Variants in UBE4A observed in about 807,000 individuals in gnomAD.
UBE4A encodes ubiquitination factor E4A, also known as ubiquitin conjugation factor E4 A.
A neutral mutation model predicts 117.9 loss-of-function variants in UBE4A; 48 were observed. The ratio of observed to expected loss-of-function variants is 0.41; its 90% CI spans 0.32 to 0.52. The LOEUF is 0.52. Among genes scored for constraint, UBE4A ranks in the 20% least tolerant of loss-of-function variants. The probability of loss-of-function intolerance (pLI) is 0.33; values close to 1 mark genes in which losing one functional copy is unlikely to be tolerated. For missense variants in UBE4A, 1,067 were observed against 1,296.3 expected (o/e 0.82, Z 2.72); for synonymous variants, 407 against 450.0 (o/e 0.90, Z 1.21).
intron 4 of UBE4A, 120 bp downstream of exon 4, chr11:118,369,655 T>A: frequency 1.5e-6 from 1 of 683,356 alleles, no homozygotes; most frequent in Non-Finnish European, 2.4e-6. Flanking sequence ...TCTTTTTTTT[T>A]TTTTTTTTTT....
intron 10 of UBE4A, chr11:118,378,650 C>T (rs1479860820): frequency 6.6e-6 from 1 of 152,198 alleles, no homozygotes; most frequent in African/African-American, 2.4e-5. Context: ...GAAATTATGT[C>T]TTTAGAGAGA....
chr11:118,381,919 C>T (rs185394865), intron 12 of UBE4A, among the ~76,000 whole-genome samples: 1 of 152,334 alleles, frequency 6.6e-6, no homozygotes, highest in East Asian at 1.9e-4. Context: ...TGTTATTTCT[C>T]ATTTCAAGTT....
intron 4 of UBE4A, among the ~76,000 whole-genome samples, chr11:118,370,843 G>A (rs966133830): frequency 3.3e-5 from 5 of 152,088 alleles, no homozygotes; most frequent in Non-Finnish European, 7.4e-5. Flanking sequence ...ATAAGAACCC[G>A]CTCTGGAGGG....
Position 118,376,570 on chromosome 11 carries a change from TGA to T in UBE4A, c.1451-2_1451-1del. 1 of 1,611,818 alleles carries T rather than the reference TGA, an allele frequency of 6.2e-7. No homozygotes were observed. The highest frequency in any genetic ancestry group is 8.5e-7 in the Non-Finnish European group (1 of 1,179,366). On this transcript the variant is annotated splice_acceptor_variant and splice_polypyrimidine_tract_variant and intron_variant, in intron 9 of 19. Coordinates refer to ENST00000252108, the MANE Select transcript of UBE4A (RefSeq NM_001204077.2). LOFTEE classifies it high-confidence loss of function. ...CCCTCTTTTTTTTTTTTAACTTCTT[TGA>T]GGTTTGGACAAAGAAACCTGTTTGA... is the stretch of plus-strand genomic sequence containing the variant.
At chr11:118,367,782 G>A (rs1173656261) in intron 2 of UBE4A, among the ~76,000 whole-genome samples, 2 of 152,118 alleles carry the variant, frequency 1.3e-5, no homozygotes, top group Non-Finnish European at 2.9e-5. Context: ...ACAGGTGTGA[G>A]CCACCGTGCC....
At chr11:118,374,796 A>G in intron 8 of UBE4A, 100 bp from the exon 9 acceptor site, 2 of 1,099,478 alleles carry the variant, frequency 1.8e-6, no homozygotes, top group Non-Finnish European at 2.5e-6. Context: ...GGGAAAGATT[A>G]GGATTAGCAT....
At chr11:118,384,547 G>C in intron 13 of UBE4A, 88 bp from the exon 14 acceptor site, 2 of 1,239,050 alleles carry the variant, frequency 1.6e-6, no homozygotes, top group Non-Finnish European at 2.3e-6. Flanking sequence ...AAAAGCAAAT[G>C]ACTACAAAGC....
chr11:118,375,265 T>C, intron 9 of UBE4A, 36 bp downstream of exon 9: 1 of 1,536,974 alleles, frequency 6.5e-7, no homozygotes, highest in Non-Finnish European at 8.8e-7. Flanking sequence ...ACTGTGTGTG[T>C]GTGTGTGTGT....
At chr11:118,371,195 A>G (rs1031660800) in intron 4 of UBE4A, among the ~76,000 whole-genome samples, 2 of 152,248 alleles carry the variant, frequency 1.3e-5, no homozygotes, top group African/African-American at 4.8e-5. Flanking sequence ...GAATGAGATC[A>G]GCAATCACAC....
chr11:118,361,512 A>C (rs1347604616), intron 1 of UBE4A, among the ~76,000 whole-genome samples: 1 of 152,122 alleles, frequency 6.6e-6, no homozygotes, highest in Non-Finnish European at 1.5e-5. Context: ...TTTCCTGTAA[A>C]ATTTTTCTAT....
In UBE4A at chr11:118,373,269, G is replaced by A; in HGVS notation, c.905G>A (p.Arg302Lys). The change falls in exon 7 of 20, where the codon AGG (arginine) becomes AAG (lysine). Residue 302 changes from arginine (R) to lysine (K), a missense_variant. This residue lies in a region of UBE4A where 1,001 missense variants were observed against 1,184.0 expected (regional missense o/e 0.85). Coordinates refer to ENST00000252108, the MANE Select transcript of UBE4A (RefSeq NM_001204077.2). ...CTGGATATTCTTCTCTATTTCACTAGGCAAAAAGATATGGCAAAGGTAGGT... is the reference window on the plus strand; with the variant it reads ...CTGGATATTCTTCTCTATTTCACTAAGCAAAAAGATATGGCAAAGGTAGGT... ...AYLDILLYFT[R>K]QKDMAKVFVE... 1 of 1,612,402 alleles carries A rather than the reference G, an allele frequency of 6.2e-7. No homozygotes were observed. Among genetic ancestry groups the A allele is most frequent in the Non-Finnish European group, 8.5e-7 (1 of 1,179,824 alleles).
At chr11:118,374,842 T>TAA in intron 8 of UBE4A, 54 bp from the exon 9 acceptor site, 1 of 1,414,718 alleles carries the variant, frequency 7.1e-7, no homozygotes, top group Non-Finnish European at 9.3e-7. Flanking sequence ...GGTTTGGGAA[T>TAA]AAAAACTATT....
chr11:118,381,983 A>G (rs1555126394), intron 12 of UBE4A, among the ~76,000 whole-genome samples: 1 of 152,216 alleles, frequency 6.6e-6, no homozygotes, highest in Non-Finnish European at 1.5e-5. Context: ...TGTGACTTGT[A>G]GAATTGCTTC....
Position 118,396,502 on chromosome 11 carries a change from TTCTC to T in UBE4A, c.*66_*69del, listed in dbSNP as rs1948874842. On this transcript the variant is annotated 3_prime_UTR_variant, in exon 20 of 20. Coordinates refer to ENST00000252108, the MANE Select transcript of UBE4A (RefSeq NM_001204077.2). ...GTGCAGATAAACAATTGTTTGTGGT[TTCTC>T]TCTTTCTGGTTCTGTTCCTTTTCTT... 6.4e-7 allele frequency: 1 copy of T among 1,552,484 alleles called. No individual in the cohort carries two copies. The highest frequency in any genetic ancestry group is 8.7e-7 in the Non-Finnish European group (1 of 1,154,764).
At position 118,389,796 on chromosome 11, in the gene UBE4A, C is replaced by A; in HGVS notation, c.2659C>A (p.His887Asn). 3 of 1,614,020 alleles carry A rather than the reference C, an allele frequency of 1.9e-6. No homozygotes were observed. The highest frequency in any genetic ancestry group is 2.5e-6 in the Non-Finnish European group (3 of 1,179,926). The change falls in exon 17 of 20, where the codon CAC becomes AAC. Residue 887 changes from histidine (H) to asparagine (N), a missense_variant. Transcript: ENST00000252108. ...IISMLNYFLQ[H>N]LVGPKMGALK... Reference sequence around the variant, plus strand: ...CTCCATGTTGAACTACTTCCTGCAACACCTGGTTGGCCCCAAGATGGGTGC... The same window carrying A: ...CTCCATGTTGAACTACTTCCTGCAAAACCTGGTTGGCCCCAAGATGGGTGC...
intron 10 of UBE4A, among the ~76,000 whole-genome samples, chr11:118,377,912 CAAA>C (rs56669473): frequency 2.5e-4 from 29 of 117,366 alleles, no homozygotes; most frequent in East Asian, 9.0e-4. Flanking sequence ...AACCCTGTCT[CAAA>C]AAAAAAAAAA....
chr11:118,396,365 G>A lies in UBE4A; in HGVS notation c.3126G>A (p.Arg1042=). 6.2e-7 allele frequency: 1 copy of A among 1,613,646 alleles called. No individual in the cohort carries two copies. Among genetic ancestry groups the A allele is most frequent in the South Asian group, 1.1e-5 (1 of 91,048 alleles). The change falls in exon 20 of 20, where the codon CGG becomes CGA. Residue 1042 remains arginine (R), a synonymous_variant. Transcript: ENST00000252108. ...NRSPLTMDQI[R]PNTELKEKIQ... is the part of the protein sequence containing the mutation. ...GTCCCCTCACCATGGACCAGATCCG[G>A]CCAAACACAGAACTAAAAGAAAAAA...
chr11:118,394,052 G>A (rs2134115617), intron 19 of UBE4A, among the ~76,000 whole-genome samples: 1 of 152,338 alleles, frequency 6.6e-6, no homozygotes. Context: ...AGACAGGAAT[G>A]AAGCAATAAA....
intron 2 of UBE4A, among the ~76,000 whole-genome samples, chr11:118,367,060 C>T (rs574243717): frequency 9.9e-5 from 15 of 151,992 alleles, no homozygotes; most frequent in South Asian, 2.1e-4. Context: ...AAAAATTAGC[C>T]GGGCGTGGTG....
Sources: allele counts gnomAD v4.1 joint callset (sites outside exome capture counted in the v4.1 genomes callset), GRCh38; gene constraint gnomAD v4.1.1; regional missense constraint gnomAD v4.1.1; transcripts MANE v1.5; gene names NCBI Gene and HGNC (gene_info 2026-07-23, HGNC 2026-07-21).